HTT: variants seen among roughly 807,000 people sequenced by gnomAD.
HTT encodes huntingtin, also known as huntington disease protein.
HTT carries 104 observed loss-of-function variants against 362.3 expected under a neutral mutation model. The ratio of observed to expected loss-of-function variants is 0.29; its 90% CI spans 0.24 to 0.34. The LOEUF (loss-of-function observed/expected upper bound fraction) is 0.34. Among genes scored for constraint, HTT ranks in the 10% least tolerant of loss-of-function variants. The pLI is 1.00. For synonymous variants in HTT, 1,577 were observed against 1,548.7 expected (o/e 1.02, Z -0.43); for missense variants, 3,301 against 3,928.6 (o/e 0.84, Z 4.27).
chr4:3,202,486 G>A (rs1050364739), intron 41 of HTT, among the ~76,000 whole-genome samples: 9 of 152,128 alleles, frequency 5.9e-5, no homozygotes, highest in Non-Finnish European at 7.3e-5. Context: ...GAAAGGGCAC[G>A]TTTCCTGTTC....
intron 32 of HTT, 73 bp downstream of exon 32, chr4:3,174,872 C>A (rs772392713): frequency 6.4e-6 from 10 of 1,559,748 alleles, no homozygotes; most frequent in Non-Finnish European, 8.8e-6. Context: ...CTGAGACTTT[C>A]CAGGTATTTT....
chr4:3,084,830 G>A (rs13142187), intron 1 of HTT, among the ~76,000 whole-genome samples: 34 of 151,686 alleles, frequency 2.2e-4, no homozygotes, highest in African/African-American at 7.7e-4. Context: ...CGGCTAACAC[G>A]GTGAAACCCC....
chr4:3,138,239 A>ATT (rs147835164), intron 21 of HTT, among the ~76,000 whole-genome samples: 1 of 148,906 alleles, frequency 6.7e-6, no homozygotes, highest in Non-Finnish European at 1.5e-5. Context: ...ACATATACAC[A>ATT]TTTTTTTAAA....
At chr4:3,192,487 T>C (rs909798128) in intron 40 of HTT, among the ~76,000 whole-genome samples, 2 of 152,190 alleles carry the variant, frequency 1.3e-5, no homozygotes, top group South Asian at 4.1e-4. Context: ...CCTATGTGAT[T>C]GGCCTTGCAT....
At chr4:3,130,532 A>C in intron 14 of HTT, 109 bp downstream of exon 14, 2 of 613,330 alleles carry the variant, frequency 3.3e-6, no homozygotes, top group South Asian at 2.6e-5. Context: ...GGGCCTTTAA[A>C]TTTCCCCTTT....
chr4:3,107,426 A>G lies in HTT; in HGVS notation c.747+3A>G, dbSNP rs755279628. On this transcript the variant is annotated splice_donor_region_variant and intron_variant, in intron 6 of 66. Coordinates refer to ENST00000355072, the MANE Select transcript of HTT (RefSeq NM_001388492.1). ...TTGCAAATGACAATGAAATTAAGGT[A>G]TGATTGTTGCCTCAGGTCACAAACA... 6.2e-7 allele frequency: 1 copy of G among 1,614,070 alleles called. No homozygotes were observed.
At chr4:3,127,984 G>A (rs1715603714) in intron 12 of HTT, among the ~76,000 whole-genome samples, 1 of 151,898 alleles carries the variant, frequency 6.6e-6, no homozygotes, top group Admixed American at 6.6e-5. Context: ...AAAAAATAAA[G>A]TGCAGTGGCT....
intron 2 of HTT, among the ~76,000 whole-genome samples, chr4:3,090,637 C>T (rs2110145899): frequency 6.6e-6 from 1 of 152,250 alleles, no homozygotes; most frequent in Admixed American, 6.5e-5. Context: ...ATAAAAACTT[C>T]TGTTAATGTT....
rs1204784285 is a variant in HTT at position 3,218,820 on chromosome 4, C to T, written c.7242+868C>T. ...CCTTAGGGCCTGCAGCATCCTCAGG[C>T]AGGAAAGAAAGGCCGACCTGGCAGG... On this transcript the variant is annotated intron_variant, in intron 52 of 66. Coordinates refer to ENST00000355072, the MANE Select transcript of HTT (RefSeq NM_001388492.1). The surrounding 1 kb of genome is among the most constrained non-coding windows in gnomAD (Gnocchi z 4.4). Among the ~76,000 whole-genome samples the T allele has an allele frequency of 6.6e-6, 1 of 152,134 alleles. No homozygotes were observed. Among genetic ancestry groups the T allele is most frequent in the Non-Finnish European group, 1.5e-5 (1 of 68,030 alleles).
rs775372689 is a variant in HTT at position 3,121,247 on chromosome 4, A to G, written c.1088A>G (p.His363Arg). 2.5e-6 allele frequency: 4 copies of G among 1,613,960 alleles called. No individual in the cohort carries two copies. The highest frequency in any genetic ancestry group is 1.6e-4 in the Middle Eastern group (1 of 6,062). Residue 363 changes from histidine (H) to arginine (R), a missense_variant, in exon 9 of 67, where the codon CAT becomes CGT. Physicochemically the swap from His to Arg is conservative, Grantham distance 29. Transcript: ENST00000355072. ...QLVQVYELTL[H>R]HTQHQDHNVV... ...TTCTAGGTTTATGAACTGACGTTAC[A>G]TCATACACAGCACCAAGACCACAAT...
rs771047531 is a variant in HTT, at chr4:3,127,655, C to G, written c.1743+51C>G. 4.5e-5 allele frequency: 61 copies of G among 1,370,202 alleles called. No homozygotes were observed. The African/African-American group carries it at 8.4e-4, about 19-fold the overall frequency. The allele number at this position is 1,370,202 out of a possible 1,614,324, so 84.9% of individuals were successfully genotyped here. A position where few individuals can be genotyped will look rare whatever the true frequency, so the allele number is the denominator to read the frequency against. On this transcript the variant is annotated intron_variant, in intron 12 of 66. Transcript: ENST00000355072. ...CTTTTTTTTTATTTTTTATTTGAGA[C>G]AGAGTCTCACTCCATAGTGCAGTGG...
At chr4:3,088,966 AAGTT>A (rs1214589148) in intron 2 of HTT, among the ~76,000 whole-genome samples, 1 of 152,240 alleles carries the variant, frequency 6.6e-6, no homozygotes, top group Non-Finnish European at 1.5e-5. Context: ...TAAAAATTCT[AAGTT>A]AGCATGCTAT....
chr4:3,131,570 C>A, intron 15 of HTT, 68 bp from the exon 16 acceptor site: 1 of 1,592,824 alleles, frequency 6.3e-7, no homozygotes, highest in South Asian at 1.1e-5. Flanking sequence ...GTTATTGGGT[C>A]TGGTTTTGTT....
intron 36 of HTT, among the ~76,000 whole-genome samples, chr4:3,181,361 A>T (rs187441072): frequency 1.3e-5 from 2 of 152,352 alleles, no homozygotes; most frequent in Admixed American, 6.5e-5. Flanking sequence ...CTCTGAAATA[A>T]AAACTTTATT....
At chr4:3,156,951 G>T in intron 27 of HTT, 121 bp from the exon 28 acceptor site, 1 of 760,212 alleles carries the variant, frequency 1.3e-6, no homozygotes, top group Non-Finnish European at 2.0e-6. Context: ...AAGGTCAGAG[G>T]AAATACTTGA....
chr4:3,159,002 G>A (rs1717309891), intron 28 of HTT, among the ~76,000 whole-genome samples: 1 of 152,162 alleles, frequency 6.6e-6, no homozygotes, highest in South Asian at 2.1e-4. Context: ...CCTTTGCTCT[G>A]TCATCCCCGC....
chr4:3,200,804 A>G (rs752028136), intron 41 of HTT, among the ~76,000 whole-genome samples: 7 of 152,240 alleles, frequency 4.6e-5, no homozygotes, highest in Non-Finnish European at 7.3e-5. Flanking sequence ...CAGTGACGAC[A>G]TTTGAAATGC....
chr4:3,232,026 C>A (rs1032204796), intron 60 of HTT, among the ~76,000 whole-genome samples: 1 of 152,110 alleles, frequency 6.6e-6, no homozygotes, highest in Non-Finnish European at 1.5e-5. Context: ...CAGAGCATGT[C>A]GTTTTGAGGT....
At chr4:3,133,571 A>G (rs1020470512) in intron 18 of HTT, among the ~76,000 whole-genome samples, 1 of 151,704 alleles carries the variant, frequency 6.6e-6, no homozygotes, top group African/African-American at 2.4e-5. Flanking sequence ...TAGTATGGTA[A>G]GAGTTAAAGT....
Sources: gnomAD v4.1 joint callset for allele counts (sites outside exome capture counted in the v4.1 genomes callset) on GRCh38, gnomAD v4.1.1 for gene constraint, Gnocchi (gnomAD v3.1) non-coding constraint, MANE v1.5 for transcripts, NCBI Gene and HGNC (gene_info 2026-07-23, HGNC 2026-07-21) for gene names.